Variants in CPPED1 observed in about 807,000 individuals in gnomAD.
CPPED1 encodes calcineurin like phosphoesterase domain containing 1.
CPPED1 carries 28 observed loss-of-function variants against 28.0 expected under a neutral mutation model. The ratio of observed to expected loss-of-function variants is 1.00; its 90% CI spans 0.74 to 1.37. The LOEUF (loss-of-function observed/expected upper bound fraction) is 1.37, where lower values mean the gene tolerates loss of function less well. CPPED1 is among the 40% of genes most tolerant of loss of function. The probability of loss-of-function intolerance (pLI) is 0.00; values close to 1 mark genes in which losing one functional copy is unlikely to be tolerated. For missense variants in CPPED1, 504 were observed against 416.5 expected (o/e 1.21, Z -1.83); for synonymous variants, 198 against 180.2 (o/e 1.10, Z -0.79).
At chr16:12,763,234 A>G (rs1425512925) in intron 2 of CPPED1, among the ~76,000 whole-genome samples, 3 of 140,394 alleles carry the variant, frequency 2.1e-5, no homozygotes, top group Admixed American at 7.0e-5. Context: ...CTCCACCTTG[A>G]AAAAAAAAAA....
At chr16:12,705,131 A>C in intron 2 of CPPED1, 82 bp from the exon 3 acceptor site, 1 of 1,386,520 alleles carries the variant, frequency 7.2e-7, no homozygotes, top group Non-Finnish European at 9.7e-7. Flanking sequence ...ACTAACATAA[A>C]ATTTAAAAAA....
At chr16:12,765,952 T>C (rs1228915704) in intron 2 of CPPED1, among the ~76,000 whole-genome samples, 1 of 152,016 alleles carries the variant, frequency 6.6e-6, no homozygotes, top group East Asian at 1.9e-4. Context: ...TTGCAGAAAA[T>C]AGGCCCATCA....
At chr16:12,795,216 G>A (rs572783196) in intron 1 of CPPED1, among the ~76,000 whole-genome samples, 22 of 152,346 alleles carry the variant, frequency 1.4e-4, no homozygotes, top group South Asian at 6.2e-4. Flanking sequence ...AGCCCCAGAT[G>A]CAAAGAGAAG....
intron 2 of CPPED1, among the ~76,000 whole-genome samples, chr16:12,778,829 T>G (rs944672201): frequency 6.6e-6 from 1 of 152,200 alleles, no homozygotes; most frequent in Non-Finnish European, 1.5e-5. Flanking sequence ...CTTTCACTGG[T>G]TCAATTAAAA....
intron 1 of CPPED1, among the ~76,000 whole-genome samples, chr16:12,797,861 C>T (rs1416538514): frequency 6.6e-6 from 1 of 152,122 alleles, no homozygotes; most frequent in Non-Finnish European, 1.5e-5. Context: ...GGGAGGATAG[C>T]TTCAGTTCAG....
chr16:12,714,225 A>G (rs1296632405), intron 2 of CPPED1, among the ~76,000 whole-genome samples: 1 of 152,186 alleles, frequency 6.6e-6, no homozygotes, highest in Non-Finnish European at 1.5e-5. Flanking sequence ...GCTATTATGA[A>G]TTATGCTGCT....
At chr16:12,720,178 T>C (rs2080131800) in intron 2 of CPPED1, 1 of 152,964 alleles carries the variant, frequency 6.5e-6, no homozygotes, top group Non-Finnish European at 1.5e-5. Flanking sequence ...TTGGTGAGTG[T>C]GTGGCAATGG....
intron 2 of CPPED1, among the ~76,000 whole-genome samples, chr16:12,744,075 G>C: frequency 6.6e-6 from 1 of 152,052 alleles, no homozygotes; most frequent in Non-Finnish European, 1.5e-5. Flanking sequence ...AGGAGATTGA[G>C]ACCATCCTGG....
chr16:12,727,016 T>C (rs1479649598), intron 2 of CPPED1, among the ~76,000 whole-genome samples: 3 of 152,002 alleles, frequency 2.0e-5, no homozygotes, highest in African/African-American at 7.2e-5. Context: ...TGCCCCTCAT[T>C]TCTAAGGACC....
chr16:12,685,693 G>T (rs531168857), intron 3 of CPPED1, among the ~76,000 whole-genome samples: 1 of 152,128 alleles, frequency 6.6e-6, no homozygotes, highest in East Asian at 1.9e-4. Context: ...TCCTGATTTT[G>T]TTCTGGGCAA....
chr16:12,703,635 T>C (rs562280473), intron 3 of CPPED1, among the ~76,000 whole-genome samples: 1 of 148,268 alleles, frequency 6.7e-6, no homozygotes, highest in South Asian at 2.1e-4. Context: ...TGAGCCGAGA[T>C]TTTGCCACTG....
At chr16:12,706,371 T>C (rs544716659) in intron 2 of CPPED1, among the ~76,000 whole-genome samples, 1 of 150,916 alleles carries the variant, frequency 6.6e-6, no homozygotes, top group African/African-American at 2.4e-5. Context: ...GCAAAAGTAA[T>C]TGCAGTTTTT....
chr16:12,680,618 C>T (rs1470318470), intron 3 of CPPED1, among the ~76,000 whole-genome samples: 1 of 152,108 alleles, frequency 6.6e-6, no homozygotes, highest in Non-Finnish European at 1.5e-5. Flanking sequence ...CTGCACAGCC[C>T]CTCTGATCTG....
Position 12,794,057 on chromosome 16 carries a change from A to C in CPPED1, c.70+9650T>G, listed in dbSNP as rs556983619. Among the ~76,000 whole-genome samples the C allele has an allele frequency of 2.6e-5, 4 of 152,196 alleles. No homozygotes were observed. In the South Asian group the frequency reaches 8.3e-4, roughly 32 times the overall value. ...TCAGCAGTTTAAAAAAAAAAATCAC[A>C]CACCAAAGAGTAGCTAAACAATATT... On this transcript the variant is annotated intron_variant, in intron 1 of 3. Transcript: ENST00000381774.
rs200745290 is a variant in CPPED1, at chr16:12,704,697, G to T, written c.642C>A (p.Asp214Glu). 5.9e-5 allele frequency: 96 copies of T among 1,614,184 alleles called. No homozygotes were observed. The African/African-American group carries it at 1.2e-3, about 19-fold the overall frequency. ...QHIPLFLESI[D>E]EDDDYYFNLS... ...GGTTGAAGTAGTAGTCGTCGTCCTC[G>T]TCGATGCTCTCCAGGAACAGCGGGA... is the stretch of plus-strand genomic sequence containing the variant. Residue 214 changes from aspartate to glutamate, a missense_variant, in exon 3 of 4, where the codon GAC (aspartate) becomes GAA (glutamate). Physicochemically the swap from Asp to Glu is conservative, Grantham distance 45 (BLOSUM62 2). Coordinates refer to ENST00000381774, the MANE Select transcript of CPPED1 (RefSeq NM_018340.3).
At chr16:12,685,598 A>T (rs2079928705) in intron 3 of CPPED1, among the ~76,000 whole-genome samples, 1 of 152,172 alleles carries the variant, frequency 6.6e-6, no homozygotes, top group South Asian at 2.1e-4. Context: ...CCGTGTTTGA[A>T]ACATAGTGTG....
chr16:12,689,496 C>T (rs2079951281), intron 3 of CPPED1, among the ~76,000 whole-genome samples: 1 of 151,870 alleles, frequency 6.6e-6, no homozygotes, highest in South Asian at 2.1e-4. Flanking sequence ...TCCCAAATCA[C>T]TGGGATTACA....
chr16:12,678,837 G>C (rs1420167100), intron 3 of CPPED1, among the ~76,000 whole-genome samples: 1 of 151,962 alleles, frequency 6.6e-6, no homozygotes, highest in Non-Finnish European at 1.5e-5. Flanking sequence ...TCTGCAAATA[G>C]GCCATTTTAC....
At chr16:12,706,383 C>T (rs2080050434) in intron 2 of CPPED1, among the ~76,000 whole-genome samples, 1 of 150,116 alleles carries the variant, frequency 6.7e-6, no homozygotes, top group Non-Finnish European at 1.5e-5. Flanking sequence ...GCAGTTTTTG[C>T]CACTGAAAGT....
Sources: gnomAD v4.1 joint callset for allele counts (sites outside exome capture counted in the v4.1 genomes callset) on GRCh38, gnomAD v4.1.1 for gene constraint, MANE v1.5 for transcripts, NCBI Gene and HGNC (gene_info 2026-07-23, HGNC 2026-07-21) for gene names.